Variants in LHFPL2 observed in about 807,000 individuals in gnomAD.
LHFPL2 encodes LHFPL tetraspan subfamily member 2.
A neutral mutation model predicts 17.5 loss-of-function variants in LHFPL2; 7 were observed. The observed-to-expected ratio is 0.40, with a 90% confidence interval of 0.23 to 0.75. The LOEUF is 0.75. LHFPL2 is among the 30% of genes least tolerant of loss of function. LHFPL2 has a pLI of 0.37. For synonymous variants in LHFPL2, 134 were observed against 116.2 expected, an observed-to-expected ratio of 1.15 and a Z score of -0.99; for missense variants, 241 against 294.8, an observed-to-expected ratio of 0.82 and a Z score of 1.34.
rs534269989 is a variant in LHFPL2, at chr5:78,575,753, T to TA, written c.-244-10883dup. Among the ~76,000 whole-genome samples the TA allele has an allele frequency of 2.7e-4, 41 of 152,232 alleles. No homozygotes were observed. In the South Asian group the frequency reaches 6.8e-3, roughly 25 times the overall value. On this transcript the variant is annotated intron_variant, in intron 2 of 4. Coordinates refer to ENST00000380345, the MANE Select transcript of LHFPL2 (RefSeq NM_005779.3). ...CTGACCAGGAAAATAACACACACACTACAAAAGACAAAGAGAAGAAAAACA... is the reference window on the plus strand; with the variant it reads ...CTGACCAGGAAAATAACACACACACTAACAAAAGACAAAGAGAAGAAAAACA...
rs149374394 is a variant in LHFPL2, at chr5:78,547,494, A to G, written c.-186+17319T>C. Among the ~76,000 whole-genome samples, 846 of 152,292 alleles carry G rather than the reference A, an allele frequency of 5.6e-3. 1 individual carries two copies. The highest frequency in any genetic ancestry group is 9.3e-3 in the Non-Finnish European group (635 of 68,018). Reference sequence around the variant, plus strand: ...AGCCATAGTGCATTTACACTTCTTTATACTCACTGAGCAGTGGCATGGAAA... The same window carrying G: ...AGCCATAGTGCATTTACACTTCTTTGTACTCACTGAGCAGTGGCATGGAAA... On this transcript the variant is annotated intron_variant, in intron 3 of 4. Transcript: ENST00000380345.
chr5:78,640,843 G>A (rs1745637396), intron 1 of LHFPL2, among the ~76,000 whole-genome samples: 2 of 152,158 alleles, frequency 1.3e-5, no homozygotes, highest in African/African-American at 2.4e-5. Flanking sequence ...GAGGAGTAAC[G>A]GTTGTGCCTG....
rs1256455324 is a variant in LHFPL2 at position 78,488,126 on chromosome 5, AGAG to A, written c.*768_*770del. ...AGAAAAACATGTGATCTCCAGAAGAAGAGGAGACTGGGCCAGAACTGGTGCTAG... is the reference window on the plus strand; with the variant it reads ...AGAAAAACATGTGATCTCCAGAAGAAGAGACTGGGCCAGAACTGGTGCTAG... On this transcript the variant is annotated 3_prime_UTR_variant, in exon 5 of 5. Transcript: ENST00000380345. 2 of 152,256 alleles carry A rather than the reference AGAG, an allele frequency of 1.3e-5. No homozygotes were observed. The highest frequency in any genetic ancestry group is 4.8e-5 in the African/African-American group (2 of 41,462). The allele number at this position is 152,256 out of a possible 1,614,324, so 9.4% of individuals were successfully genotyped here.
intron 1 of LHFPL2, among the ~76,000 whole-genome samples, chr5:78,644,050 A>G (rs1344070422): frequency 6.6e-6 from 1 of 152,204 alleles, no homozygotes; most frequent in Non-Finnish European, 1.5e-5. Flanking sequence ...TGACAGAGAG[A>G]GACTTCATCT....
chr5:78,548,332 CA>C (rs1417856986), intron 3 of LHFPL2, among the ~76,000 whole-genome samples: 4 of 152,234 alleles, frequency 2.6e-5, no homozygotes, highest in Non-Finnish European at 5.9e-5. Flanking sequence ...GGTGCTGGCC[CA>C]GGCCCAGTCC....
intron 2 of LHFPL2, among the ~76,000 whole-genome samples, chr5:78,575,547 C>CA (rs985005700): frequency 2.6e-5 from 4 of 151,108 alleles, no homozygotes; most frequent in South Asian, 2.1e-4. Flanking sequence ...GACTCCATCT[C>CA]AAAAAAAGAA....
chr5:78,581,642 A>G (rs1184013132), intron 2 of LHFPL2, among the ~76,000 whole-genome samples: 11 of 152,174 alleles, frequency 7.2e-5, no homozygotes, highest in Non-Finnish European at 1.5e-4. Context: ...GATGAAGCCC[A>G]CTTGATCATG....
chr5:78,502,772 G>A (rs191943378), intron 4 of LHFPL2, among the ~76,000 whole-genome samples: 1 of 152,304 alleles, frequency 6.6e-6, no homozygotes, highest in African/African-American at 2.4e-5. Flanking sequence ...TTTGGGTGCA[G>A]ATAATGTTAA....
intron 3 of LHFPL2, among the ~76,000 whole-genome samples, chr5:78,534,141 A>G (rs1018904572): frequency 1.3e-5 from 2 of 152,204 alleles, no homozygotes; most frequent in Non-Finnish European, 2.9e-5. Context: ...GGAGGCTCTC[A>G]GGGGTCCAGA....
At chr5:78,608,504 G>C (rs1744302914) in intron 2 of LHFPL2, among the ~76,000 whole-genome samples, 1 of 151,498 alleles carries the variant, frequency 6.6e-6, no homozygotes, top group African/African-American at 2.4e-5. Context: ...ATACAATCAG[G>C]CTATACAGTT....
At chr5:78,512,755 A>T (rs12657491) in intron 3 of LHFPL2, among the ~76,000 whole-genome samples, 40,626 of 149,102 alleles carry the variant, frequency 0.27, 5,758 homozygotes, top group East Asian at 0.47. Context: ...TGTTAAATGT[A>T]ATTTTTCTTT....
chr5:78,638,999 A>G (rs766657410), intron 1 of LHFPL2, among the ~76,000 whole-genome samples: 2 of 152,208 alleles, frequency 1.3e-5, no homozygotes, highest in Non-Finnish European at 1.5e-5. Context: ...AGTTTTGTTG[A>G]CCAATATGGA....
chr5:78,632,944 C>T lies in LHFPL2; in HGVS notation c.-349-576G>A, dbSNP rs76080636. On this transcript the variant is annotated intron_variant, in intron 1 of 4. Transcript: ENST00000380345. ...ATGCCAGGCAAAAGGAACAGCAAGA[C>T]GGGGGGGTCCTGGAAGCAAGGACAC... 5.0e-3 allele frequency among the ~76,000 whole-genome samples: 763 copies of T among 152,110 alleles called. 6 individuals are homozygous for T. Among genetic ancestry groups the T allele is most frequent in the African/African-American group, 0.017 (705 of 41,498 alleles).
At chr5:78,495,959 A>T (rs1754592537) in intron 4 of LHFPL2, among the ~76,000 whole-genome samples, 1 of 151,696 alleles carries the variant, frequency 6.6e-6, no homozygotes, top group African/African-American at 2.4e-5. Context: ...ATTCACAGTG[A>T]CCCCCTTGGA....
At chr5:78,596,330 A>T (rs927280028) in intron 2 of LHFPL2, among the ~76,000 whole-genome samples, 1 of 152,224 alleles carries the variant, frequency 6.6e-6, no homozygotes, top group Non-Finnish European at 1.5e-5. Flanking sequence ...ACATCATCCT[A>T]CAGAAGGTAA....
chr5:78,589,420 A>C (rs1370601979), intron 2 of LHFPL2, among the ~76,000 whole-genome samples: 1 of 151,344 alleles, frequency 6.6e-6, no homozygotes, highest in Non-Finnish European at 1.5e-5. Flanking sequence ...CAATGAGCCG[A>C]GATCGCACCA....
intron 3 of LHFPL2, among the ~76,000 whole-genome samples, chr5:78,511,105 GAAA>G (rs11323839): frequency 4.0e-5 from 6 of 148,862 alleles, no homozygotes; most frequent in Non-Finnish European, 7.5e-5. Context: ...ACTCAGAGGG[GAAA>G]AAAAAAAAAC....
At chr5:78,546,139 C>A (rs1271490565) in intron 3 of LHFPL2, among the ~76,000 whole-genome samples, 3 of 152,222 alleles carry the variant, frequency 2.0e-5, no homozygotes, top group Non-Finnish European at 4.4e-5. Flanking sequence ...CAGGGCTGTA[C>A]ATGTCTGCGT....
At chr5:78,543,010 A>G (rs543378658) in intron 3 of LHFPL2, among the ~76,000 whole-genome samples, 1 of 152,314 alleles carries the variant, frequency 6.6e-6, no homozygotes, top group South Asian at 2.1e-4. Flanking sequence ...GCAAGCAAAG[A>G]CAGGCAAGCT....
Sources: allele counts gnomAD v4.1 joint callset (sites outside exome capture counted in the v4.1 genomes callset), GRCh38; gene constraint gnomAD v4.1.1; transcripts MANE v1.5; gene names NCBI Gene and HGNC (gene_info 2026-07-23, HGNC 2026-07-21).